Variants in VWA5B1 observed in about 807,000 individuals in gnomAD.
VWA5B1 encodes the protein von Willebrand factor A domain containing 5B1.
A neutral mutation model predicts 118.2 loss-of-function variants in VWA5B1; 115 were observed. The observed-to-expected ratio is 0.97, with a 90% CI of 0.84 to 1.14. VWA5B1 has a LOEUF of 1.14. Among genes scored for constraint, VWA5B1 ranks in the 50% most tolerant of loss-of-function variants. The pLI is 0.00. For missense variants in VWA5B1, 1,596 were observed against 1,603.8 expected, an observed-to-expected ratio of 1.00 and a Z score of 0.08; for synonymous variants, 682 against 658.4, an observed-to-expected ratio of 1.04 and a Z score of -0.55.
At position 20,354,023 on chromosome 1, in the gene VWA5B1, TG is replaced by T; in HGVS notation, c.3411del (p.Lys1138SerfsTer80). 2 of 1,551,672 alleles carry T rather than the reference TG, an allele frequency of 1.3e-6. No individual in the cohort carries two copies. Among genetic ancestry groups the T allele is most frequent in the Non-Finnish European group, 1.7e-6 (2 of 1,146,996 alleles). On this transcript the variant is annotated frameshift_variant, in exon 22 of 22. Coordinates refer to ENST00000289815, the MANE Select transcript of VWA5B1 (RefSeq NM_001039500.3). LOFTEE classifies it high-confidence loss of function. ...AGCCGAGGGCAGTGGTGGAGCACAC[TG>T]GGAAGCTGTGGGCCACGGTGGTGGG... is the stretch of plus-strand genomic sequence containing the variant. The part of the protein sequence containing the change: ...LEPRAVVEHT[G>X]KLWATVVGLA...
intron 1 of VWA5B1, among the ~76,000 whole-genome samples, chr1:20,302,471 A>G (rs1307116219): frequency 6.6e-6 from 1 of 152,198 alleles, no homozygotes; most frequent in Non-Finnish European, 1.5e-5. Flanking sequence ...TGGGCCAGAC[A>G]CTGAGGAGAG....
At chr1:20,294,357 A>C (rs916084783) in intron 1 of VWA5B1, 1 of 152,324 alleles carries the variant, frequency 6.6e-6, no homozygotes, top group African/African-American at 2.4e-5. Flanking sequence ...CTGCAAAACT[A>C]GCAGAGAAGG....
intron 11 of VWA5B1, among the ~76,000 whole-genome samples, chr1:20,331,788 C>T (rs936851233): frequency 6.6e-6 from 1 of 151,976 alleles, no homozygotes; most frequent in African/African-American, 2.4e-5. Flanking sequence ...GAAGCTGTCA[C>T]CTAACGGCAT....
intron 1 of VWA5B1, among the ~76,000 whole-genome samples, chr1:20,308,423 C>T (rs2088733269): frequency 1.3e-5 from 2 of 152,148 alleles, no homozygotes; most frequent in South Asian, 4.1e-4. Context: ...GTGCTGGCTC[C>T]CTAAGGCTGC....
In VWA5B1 at chr1:20,310,669, G is replaced by A. The variant is rs2088820643; in HGVS notation, c.68G>A (p.Cys23Tyr). Residue 23 changes from cysteine (C) to tyrosine (Y), a missense_variant, in exon 2 of 22, where the codon TGT (cysteine) becomes TAT (tyrosine). Coordinates refer to ENST00000289815, the MANE Select transcript of VWA5B1 (RefSeq NM_001039500.3). ...LPLTASDVTS[C>Y]VSGYALGLTA... ...CTCACCGCGTCTGATGTTACCTCCTGTGTCAGCGGTTATGCCCTGGGCCTA... is the reference window on the plus strand; with the variant it reads ...CTCACCGCGTCTGATGTTACCTCCTATGTCAGCGGTTATGCCCTGGGCCTA... 2 of 1,551,188 alleles carry A rather than the reference G, an allele frequency of 1.3e-6. No individual in the cohort carries two copies. The highest frequency in any genetic ancestry group is 1.4e-5 in the African/African-American group (1 of 73,144).
intron 16 of VWA5B1, among the ~76,000 whole-genome samples, chr1:20,344,246 T>G (rs1414557205): frequency 6.6e-6 from 1 of 151,800 alleles, no homozygotes; most frequent in Non-Finnish European, 1.5e-5. Context: ...GCGCCCCATT[T>G]CCCAGTGCTT....
intron 9 of VWA5B1, among the ~76,000 whole-genome samples, chr1:20,328,447 C>T (rs996555193): frequency 6.6e-6 from 1 of 151,898 alleles, no homozygotes; most frequent in Admixed American, 6.6e-5. Flanking sequence ...TCACAAGGCT[C>T]AAGATACTGT....
At chr1:20,307,472 C>T (rs1273325352) in intron 1 of VWA5B1, among the ~76,000 whole-genome samples, 4 of 152,262 alleles carry the variant, frequency 2.6e-5, no homozygotes, top group African/African-American at 7.2e-5. Flanking sequence ...AGCCAGCACA[C>T]TCCCTTGAGG....
At chr1:20,309,486 G>A (rs1006417575) in intron 1 of VWA5B1, among the ~76,000 whole-genome samples, 1 of 152,214 alleles carries the variant, frequency 6.6e-6, no homozygotes, top group Non-Finnish European at 1.5e-5. Flanking sequence ...AGAGCAGCAA[G>A]CACAGGGATG....
chr1:20,312,996 G>C lies in VWA5B1; in HGVS notation c.292+8G>C. The C allele has an allele frequency of 6.4e-7, 1 of 1,550,628 alleles. No homozygotes were observed. The highest frequency in any genetic ancestry group is 8.7e-7 in the Non-Finnish European group (1 of 1,146,406). ...GATCCCCAACAGTCACAGGTAAGGA[G>C]ACCAGAAGGGCTGCCGCGGGACCTG... On this transcript the variant is annotated splice_region_variant and intron_variant, in intron 3 of 21. Transcript: ENST00000289815.
Position 20,346,319 on chromosome 1 carries a change from G to A in VWA5B1, c.2764+726G>A, listed in dbSNP as rs774747203. On this transcript the variant is annotated intron_variant, in intron 17 of 21. Transcript: ENST00000289815. Reference sequence around the variant, plus strand: ...GTTACTTTCCTGAGGTCACACAGCCGTGATGGGCTGGAGCCAGGCTTTACA... The same window carrying A: ...GTTACTTTCCTGAGGTCACACAGCCATGATGGGCTGGAGCCAGGCTTTACA... 5.1e-4 allele frequency among the ~76,000 whole-genome samples: 77 copies of A among 152,354 alleles called. 1 individual carries two copies. The highest frequency in any genetic ancestry group is 9.1e-4 in the Non-Finnish European group (62 of 68,040).
Position 20,314,317 on chromosome 1 carries a change from C to G in VWA5B1, c.293-5C>G, listed in dbSNP as rs761040113. ...TACAGCCCCTGACGCCAGCCTGGCACTTAGGGAACATTCTGCAAGACGGGG... is the reference window on the plus strand; with the variant it reads ...TACAGCCCCTGACGCCAGCCTGGCAGTTAGGGAACATTCTGCAAGACGGGG... On this transcript the variant is annotated splice_region_variant and splice_polypyrimidine_tract_variant and intron_variant, in intron 3 of 21. Transcript: ENST00000289815. The G allele has an allele frequency of 6.4e-7, 1 of 1,551,618 alleles. No individual in the cohort carries two copies. The highest frequency in any genetic ancestry group is 1.2e-5 in the South Asian group (1 of 84,046).
intron 21 of VWA5B1, among the ~76,000 whole-genome samples, chr1:20,352,417 A>G (rs1469653867): frequency 1.3e-5 from 2 of 152,238 alleles, no homozygotes; most frequent in Non-Finnish European, 2.9e-5. Context: ...CAGCACCAGC[A>G]TCACGAAAAT....
chr1:20,300,909 G>A (rs2088490464), intron 1 of VWA5B1, among the ~76,000 whole-genome samples: 1 of 152,230 alleles, frequency 6.6e-6, no homozygotes, highest in Non-Finnish European at 1.5e-5. Flanking sequence ...ATGTGTGATG[G>A]CAGGGTCCCA....
rs2088823941 is a variant in VWA5B1, at chr1:20,310,744, A to G, written c.139+4A>G. 2.6e-6 allele frequency: 4 copies of G among 1,541,340 alleles called. No homozygotes were observed. The highest frequency in any genetic ancestry group is 1.2e-5 in the South Asian group (1 of 82,436). On this transcript the variant is annotated splice_donor_region_variant and intron_variant, in intron 2 of 21. Coordinates refer to ENST00000289815, the MANE Select transcript of VWA5B1 (RefSeq NM_001039500.3). ...CTGGAAGCCCAGCCCTTCCAGGGTAAGGACACCTGCTGGGGCCTCCCCGGG... is the reference window on the plus strand; with the variant it reads ...CTGGAAGCCCAGCCCTTCCAGGGTAGGGACACCTGCTGGGGCCTCCCCGGG...
intron 16 of VWA5B1, among the ~76,000 whole-genome samples, chr1:20,343,758 C>A (rs1336648998): frequency 3.3e-5 from 2 of 61,214 alleles, no homozygotes; most frequent in Non-Finnish European, 6.6e-5. Context: ...CAGCCCCCAC[C>A]CTGTGCCTGT....
chr1:20,308,534 A>G (rs2088739293), intron 1 of VWA5B1, among the ~76,000 whole-genome samples: 1 of 152,120 alleles, frequency 6.6e-6, no homozygotes, highest in South Asian at 2.1e-4. Flanking sequence ...CAGGAAATGA[A>G]GGCCGCCATC....
chr1:20,344,285 G>A lies in VWA5B1; in HGVS notation c.2626+892G>A, dbSNP rs1443883959. On this transcript the variant is annotated intron_variant, in intron 16 of 21. Transcript: ENST00000289815. ...CCCTGCAGCGGCCCCTGTCTCTCCA[G>A]AGACAGAACAATGGTGACAGCCCAC... 3.3e-5 allele frequency among the ~76,000 whole-genome samples: 5 copies of A among 152,006 alleles called. No homozygotes were observed. The East Asian group carries it at 5.8e-4, about 18-fold the overall frequency.
intron 1 of VWA5B1, among the ~76,000 whole-genome samples, chr1:20,299,692 C>G (rs2088471176): frequency 6.6e-6 from 1 of 152,252 alleles, no homozygotes; most frequent in South Asian, 2.1e-4. Context: ...GCGTGAGCCA[C>G]CACGCTCGGC....
Sources: gnomAD v4.1 joint callset for allele counts (sites outside exome capture counted in the v4.1 genomes callset) on GRCh38, gnomAD v4.1.1 for gene constraint, MANE v1.5 for transcripts, NCBI Gene and HGNC (gene_info 2026-07-23, HGNC 2026-07-21) for gene names.